HACE1: variants seen among roughly 807,000 people sequenced by gnomAD.
The protein encoded by HACE1 is HECT domain and ankyrin repeat containing E3 ubiquitin protein ligase 1.
Under a neutral mutation model 118.4 loss-of-function variants are expected in HACE1, and 73 were observed. The observed-to-expected ratio is 0.62, with a 90% CI of 0.51 to 0.75. The LOEUF (loss-of-function observed/expected upper bound fraction) is 0.75. Ranked by LOEUF, HACE1 falls within the 30% of genes least tolerant of loss-of-function variation. The pLI, the probability that HACE1 is intolerant of heterozygous loss-of-function variation, is 0.00. For missense variants in HACE1, 749 were observed against 1,102.2 expected (o/e 0.68, Z 4.54); for synonymous variants, 368 against 374.8 (o/e 0.98, Z 0.21).
Position 104,750,411 on chromosome 6 carries a change from T to C in HACE1, c.2273A>G (p.Asn758Ser), listed in dbSNP as rs111598805. The C allele has an allele frequency of 8.1e-6, 13 of 1,613,096 alleles. No individual in the cohort carries two copies. Among genetic ancestry groups the C allele is most frequent in the East Asian group, 2.2e-5 (1 of 44,866 alleles). Residue 758 changes from asparagine to serine, a missense_variant, in exon 20 of 24, where the codon AAT becomes AGT. Physicochemically the swap from Asn to Ser is conservative, Grantham distance 46. Transcript: ENST00000262903. ...CATATGAAAGCCCTGTAAAAAAGCATTGATCTGAGGCTGAATGGCTCTTGT... is the reference window on the plus strand; with the variant it reads ...CATATGAAAGCCCTGTAAAAAAGCACTGATCTGAGGCTGAATGGCTCTTGT... ...RMTRAIQPQI[N>S]AFLQGFHMFI...
chr6:104,807,970 T>G (rs774105553), intron 7 of HACE1, among the ~76,000 whole-genome samples: 1 of 152,128 alleles, frequency 6.6e-6, no homozygotes, highest in Non-Finnish European at 1.5e-5. Context: ...CCAGATCACC[T>G]GAGGTCGGGA....
At chr6:104,837,089 G>A (rs1356501526) in intron 5 of HACE1, among the ~76,000 whole-genome samples, 2 of 152,170 alleles carry the variant, frequency 1.3e-5, no homozygotes, top group Admixed American at 1.3e-4. Flanking sequence ...TGACCTATCA[G>A]TTTAAAGCAA....
At chr6:104,812,358 A>G (rs951682363) in intron 6 of HACE1, among the ~76,000 whole-genome samples, 1 of 152,034 alleles carries the variant, frequency 6.6e-6, no homozygotes, top group African/African-American at 2.4e-5. Context: ...AGGTGGGAGG[A>G]TCATTTGAGC....
At chr6:104,798,255 T>C (rs1478020297) in intron 7 of HACE1, among the ~76,000 whole-genome samples, 50 of 152,030 alleles carry the variant, frequency 3.3e-4, no homozygotes, top group Non-Finnish European at 7.4e-5. Context: ...CACAATAACA[T>C]TACCTAAAGA....
chr6:104,748,621 T>C (rs1415914637), intron 20 of HACE1, among the ~76,000 whole-genome samples: 3 of 152,182 alleles, frequency 2.0e-5, no homozygotes, highest in Non-Finnish European at 2.9e-5. Flanking sequence ...CCTAAAGGCA[T>C]GTTTATAGCA....
At chr6:104,741,444 T>C (rs1450060946) in intron 22 of HACE1, among the ~76,000 whole-genome samples, 1 of 150,802 alleles carries the variant, frequency 6.6e-6, no homozygotes, top group Non-Finnish European at 1.5e-5. Flanking sequence ...CTTAAGCTGA[T>C]AAGCAACTTC....
At chr6:104,838,338 T>C (rs955994804) in intron 5 of HACE1, among the ~76,000 whole-genome samples, 1 of 152,136 alleles carries the variant, frequency 6.6e-6, no homozygotes, top group Non-Finnish European at 1.5e-5. Context: ...CAAAACAGCA[T>C]GTTACTGGTA....
At chr6:104,849,651 A>T (rs1351885181) in intron 3 of HACE1, among the ~76,000 whole-genome samples, 1 of 146,038 alleles carries the variant, frequency 6.8e-6, no homozygotes. Flanking sequence ...CCTTAAACAC[A>T]TTTTTTTTTT....
rs563854650 is a variant in HACE1 at position 104,784,901 on chromosome 6, T to C, written c.1409+84A>G. ...AAACTTTAAATCAACAAATTATTAT[T>C]TGTTGTTTTTGAAATTACAAAAGTA... On this transcript the variant is annotated intron_variant, in intron 12 of 23. Transcript: ENST00000262903. The C allele has an allele frequency of 1.0e-5, 9 of 881,650 alleles. No homozygotes were observed. The South Asian group carries it at 1.3e-4, about 13-fold the overall frequency. 54.6% of individuals were successfully genotyped at this position (881,650 alleles called of 1,614,324 possible). A position where few individuals can be genotyped will look rare whatever the true frequency, so the allele number is the denominator to read the frequency against.
intron 20 of HACE1, among the ~76,000 whole-genome samples, chr6:104,746,150 T>G (rs1201004000): frequency 6.6e-6 from 1 of 152,262 alleles, no homozygotes; most frequent in African/African-American, 2.4e-5. Flanking sequence ...TAATAATGGA[T>G]TATTTTATGT....
At chr6:104,852,264 T>G in intron 2 of HACE1, 53 bp downstream of exon 2, 1 of 1,057,412 alleles carries the variant, frequency 9.5e-7, no homozygotes, top group Non-Finnish European at 1.5e-6. Context: ...CAGTACACAT[T>G]TAGAACAATG....
At chr6:104,830,875 T>C (rs1416735188) in intron 6 of HACE1, among the ~76,000 whole-genome samples, 1 of 150,812 alleles carries the variant, frequency 6.6e-6, no homozygotes, top group Admixed American at 6.6e-5. Context: ...GGTTCACCTC[T>C]CCTTAAGCTA....
At chr6:104,787,978 T>A (rs1782623080) in intron 11 of HACE1, among the ~76,000 whole-genome samples, 1 of 152,160 alleles carries the variant, frequency 6.6e-6, no homozygotes. Flanking sequence ...ACATTAAAAC[T>A]AAATCCCAAC....
At chr6:104,780,237 G>C (rs1781585924) in intron 14 of HACE1, 1 of 233,946 alleles carries the variant, frequency 4.3e-6, no homozygotes, top group Non-Finnish European at 8.7e-6. Flanking sequence ...AATTCAAGTG[G>C]AACATTAAAA....
At chr6:104,823,153 C>T (rs115967454) in intron 6 of HACE1, among the ~76,000 whole-genome samples, 81 of 152,172 alleles carry the variant, frequency 5.3e-4, no homozygotes, top group African/African-American at 1.8e-3. Flanking sequence ...ATTAAAAAAT[C>T]GGAGGCTGGG....
intron 5 of HACE1, among the ~76,000 whole-genome samples, chr6:104,833,509 G>C (rs1156427507): frequency 6.6e-6 from 1 of 152,070 alleles, no homozygotes; most frequent in Admixed American, 6.5e-5. Context: ...GAAAACTTCG[G>C]TATCAAGATG....
intron 22 of HACE1, among the ~76,000 whole-genome samples, chr6:104,736,519 T>G (rs1333807373): frequency 5.3e-5 from 8 of 152,124 alleles, no homozygotes; most frequent in African/African-American, 1.9e-4. Context: ...TGAGCTCAAG[T>G]GATCTGCCCA....
chr6:104,780,278 T>G, intron 14 of HACE1: 1 of 371,626 alleles, frequency 2.7e-6, no homozygotes, highest in Non-Finnish European at 5.2e-6. Context: ...AAAGCTCAGA[T>G]CAAACACACA....
intron 14 of HACE1, among the ~76,000 whole-genome samples, chr6:104,780,196 A>G (rs1041061526): frequency 2.0e-5 from 3 of 152,158 alleles, no homozygotes; most frequent in Non-Finnish European, 4.4e-5. Flanking sequence ...ATGTGAACCA[A>G]GAAATAAAAA....
Sources: gnomAD v4.1 joint callset for allele counts (sites outside exome capture counted in the v4.1 genomes callset) on GRCh38, gnomAD v4.1.1 for gene constraint, MANE v1.5 for transcripts, NCBI Gene and HGNC (gene_info 2026-07-23, HGNC 2026-07-21) for gene names.